The following RGPD2 variants were observed in gnomAD, a reference collection of about 807,000 sequenced individuals.
The protein encoded by RGPD2 is RANBP2 like and GRIP domain containing 2.
Under a neutral mutation model 36.0 loss-of-function variants are expected in RGPD2, and 2 were observed. The ratio of observed to expected loss-of-function variants is 0.06; its 90% CI spans 0.02 to 0.17. The LOEUF (loss-of-function observed/expected upper bound fraction) is 0.17. Among genes scored for constraint, RGPD2 ranks in the 10% least tolerant of loss-of-function variants. The pLI is 1.00. For synonymous variants in RGPD2, 19 were observed against 163.8 expected, an observed-to-expected ratio of 0.12 and a Z score of 6.75; for missense variants, 40 against 464.3, an observed-to-expected ratio of 0.09 and a Z score of 8.40.
At chr2:87,910,538 C>A in the RGPD2 span, among the ~76,000 whole-genome samples, 2 of 152,254 alleles carry the variant, frequency 1.3e-5, no homozygotes, top group Non-Finnish European at 2.9e-5. Context: ...GTTATACTTG[C>A]ATCAACTGTT....
the RGPD2 span, chr2:87,985,656 G>A: frequency 4.5e-6 from 6 of 1,345,036 alleles, no homozygotes; most frequent in Non-Finnish European, 6.3e-6. Flanking sequence ...TAGTCTCAAT[G>A]TTATATTACC....
chr2:87,978,761 A>C, the RGPD2 span, among the ~76,000 whole-genome samples: 1 of 120,162 alleles, frequency 8.3e-6, no homozygotes, highest in African/African-American at 3.1e-5. Flanking sequence ...TGCCAAAAAA[A>C]TTTAAAAATT....
At chr2:87,933,950 T>C in the RGPD2 span, among the ~76,000 whole-genome samples, 1 of 109,414 alleles carries the variant, frequency 9.1e-6, no homozygotes, top group African/African-American at 4.1e-5. Flanking sequence ...AGCCTCAGCA[T>C]GTTGTAAACA....
chr2:87,929,082 T>C, the RGPD2 span, among the ~76,000 whole-genome samples: 4 of 152,012 alleles, frequency 2.6e-5, no homozygotes, highest in Admixed American at 6.6e-5. Flanking sequence ...TTTTTGCTTT[T>C]GTTGCAATAG....
the RGPD2 span, among the ~76,000 whole-genome samples, chr2:87,866,806 C>T: frequency 1.8e-3 from 275 of 152,156 alleles, 1 homozygote; most frequent in African/African-American, 6.3e-3. Flanking sequence ...GGCCAGGGGC[C>T]TCACGTGGCT....
intron 20 of RGPD2, among the ~76,000 whole-genome samples, chr2:87,781,464 G>GTTTTTTTTTTTTTTTTT (rs879124297): frequency 5.3e-5 from 6 of 112,598 alleles, no homozygotes; most frequent in Non-Finnish European, 9.2e-5. Context: ...TTGTTTTTTT[G>GTTTTTTTTTTTTTTTTT]TTTTTTTTTT....
chr2:87,972,000 T>C, the RGPD2 span, among the ~76,000 whole-genome samples: 1 of 148,346 alleles, frequency 6.7e-6, no homozygotes, highest in Non-Finnish European at 1.5e-5. Flanking sequence ...CTCAGAAAGC[T>C]CAACTGTAAA....
the RGPD2 span, among the ~76,000 whole-genome samples, chr2:87,949,143 G>GAAA: frequency 7.1e-6 from 1 of 140,538 alleles, no homozygotes. Context: ...GAGACTGTCT[G>GAAA]AAAAAAAAAA....
At chr2:87,853,160 T>A in the RGPD2 span, among the ~76,000 whole-genome samples, 1 of 151,954 alleles carries the variant, frequency 6.6e-6, no homozygotes, top group Non-Finnish European at 1.5e-5. Flanking sequence ...CTCTCTGTAA[T>A]TTCTTTTTGA....
intron 22 of RGPD2, among the ~76,000 whole-genome samples, chr2:87,769,659 G>T (rs1213651924): frequency 6.6e-6 from 1 of 151,920 alleles, no homozygotes; most frequent in Non-Finnish European, 1.5e-5. Context: ...TGAGTATTTT[G>T]AGATAATATC....
the RGPD2 span, among the ~76,000 whole-genome samples, chr2:87,966,954 CT>C: frequency 9.8e-6 from 1 of 102,040 alleles, no homozygotes; most frequent in Non-Finnish European, 2.0e-5. Flanking sequence ...GCCTAGAATC[CT>C]TCCCAACATG....
chr2:87,843,964 A>G, the RGPD2 span, among the ~76,000 whole-genome samples: 1 of 152,108 alleles, frequency 6.6e-6, no homozygotes, highest in Non-Finnish European at 1.5e-5. Flanking sequence ...TTGCAAGAAC[A>G]AAAAACCAAA....
Position 87,824,825 on chromosome 2 carries a change from G to GGCC in RGPD2, c.72+830_72+832dup, listed in dbSNP as rs1218425688. ...CGCCGCCGCCGCCCGGCCAGGCCGA[G>GGCC]GCCGCCGCCGCCGCCGCCCGGCCAG... On this transcript the variant is annotated intron_variant, in intron 1 of 22. Coordinates refer to ENST00000398146, the MANE Select transcript of RGPD2 (RefSeq NM_001078170.3). 32 of 93,168 alleles carry GGCC rather than the reference G, an allele frequency of 3.4e-4. 1 individual carries two copies. The highest frequency in any genetic ancestry group is 1.1e-3 in the Admixed American group (10 of 8,880). 5.8% of individuals were successfully genotyped at this position (93,168 alleles called of 1,614,324 possible). A position where few individuals can be genotyped will look rare whatever the true frequency, so the allele number is the denominator to read the frequency against.
chr2:87,951,486 T>A, the RGPD2 span, among the ~76,000 whole-genome samples: 1 of 152,230 alleles, frequency 6.6e-6, no homozygotes, highest in Non-Finnish European at 1.5e-5. Flanking sequence ...TCACCTCAAC[T>A]GTACAAAGAA....
chr2:87,983,191 A>G, the RGPD2 span, among the ~76,000 whole-genome samples: 8 of 152,148 alleles, frequency 5.3e-5, no homozygotes, highest in Admixed American at 5.2e-4. Context: ...GTGGAAGTGC[A>G]TGCCTGTAAT....
At chr2:87,882,939 T>C in the RGPD2 span, among the ~76,000 whole-genome samples, 1 of 151,778 alleles carries the variant, frequency 6.6e-6, no homozygotes, top group Admixed American at 6.6e-5. Context: ...TATTTTATTT[T>C]GTAGCTTAAC....
the RGPD2 span, among the ~76,000 whole-genome samples, chr2:87,876,968 T>A: frequency 3.9e-5 from 6 of 152,274 alleles, no homozygotes; most frequent in African/African-American, 1.4e-4. Context: ...CCCTTCATTG[T>A]CTTTTTTTTA....
chr2:87,975,054 C>G, the RGPD2 span, among the ~76,000 whole-genome samples: 1 of 152,158 alleles, frequency 6.6e-6, no homozygotes, highest in Non-Finnish European at 1.5e-5. Flanking sequence ...AATTTATTCT[C>G]TTATTATTCT....
the RGPD2 span, among the ~76,000 whole-genome samples, chr2:87,879,435 C>T: frequency 6.9e-6 from 1 of 145,868 alleles, no homozygotes; most frequent in African/African-American, 2.6e-5. Flanking sequence ...ACTCATTAAC[C>T]ATCCTCACAT....
Sources: gnomAD v4.1 joint callset for allele counts (sites outside exome capture counted in the v4.1 genomes callset) on GRCh38, gnomAD v4.1.1 for gene constraint, MANE v1.5 for transcripts, NCBI Gene and HGNC (gene_info 2026-07-23, HGNC 2026-07-21) for gene names.